Variants in RABGAP1L observed in about 807,000 individuals in gnomAD.
The protein encoded by RABGAP1L is RAB GTPase activating protein 1 like, also known as rab GTPase-activating protein 1-like.
A neutral mutation model predicts 137.7 loss-of-function variants in RABGAP1L; 63 were observed. The observed-to-expected ratio is 0.46, with a 90% CI of 0.37 to 0.56. The LOEUF is 0.56. Among genes scored for constraint, RABGAP1L ranks in the 20% least tolerant of loss-of-function variants. The pLI, the probability that RABGAP1L is intolerant of heterozygous loss-of-function variation, is 0.00. For missense variants in RABGAP1L, 1,095 were observed against 1,244.0 expected (o/e 0.88, Z 1.80); for synonymous variants, 431 against 433.7 (o/e 0.99, Z 0.08).
chr1:174,546,476 A>G (rs1010443334), intron 13 of RABGAP1L, among the ~76,000 whole-genome samples: 1 of 152,208 alleles, frequency 6.6e-6, no homozygotes, highest in South Asian at 2.1e-4. Flanking sequence ...CAAAGTTTAG[A>G]TATTTGTTGT....
intron 17 of RABGAP1L, chr1:174,705,658 A>T (rs746444096): frequency 1.3e-5 from 2 of 152,198 alleles, no homozygotes; most frequent in Non-Finnish European, 2.9e-5. Flanking sequence ...ACAATATTGT[A>T]GTGTGCCTCA....
At position 174,163,067 on chromosome 1, in the gene RABGAP1L, C is replaced by T. The variant is rs560950741; in HGVS notation, c.-34+3410C>T. ...CTCAGGGGTTTCTTGTGGAGATGAT[C>T]TGATGAGCATTTTGCCATTACAAAC... On this transcript the variant is annotated intron_variant, in intron 1 of 25. Coordinates refer to ENST00000681986, the MANE Select transcript of RABGAP1L (RefSeq NM_001366446.1). Among the ~76,000 whole-genome samples, 4 of 152,158 alleles carry T rather than the reference C, an allele frequency of 2.6e-5. No homozygotes were observed. In the East Asian group the frequency reaches 7.7e-4, roughly 29 times the overall value.
chr1:174,238,339 G>A (rs569386950), intron 4 of RABGAP1L, among the ~76,000 whole-genome samples: 4 of 152,296 alleles, frequency 2.6e-5, no homozygotes, highest in Non-Finnish European at 4.4e-5. Context: ...GAGGAGGAGA[G>A]ACGCTCTGCG....
intron 12 of RABGAP1L, among the ~76,000 whole-genome samples, chr1:174,380,670 C>T (rs1001627181): frequency 2.0e-5 from 3 of 149,500 alleles, no homozygotes; most frequent in African/African-American, 7.4e-5. Flanking sequence ...CTATTTGATT[C>T]TTCTCTCTTT....
At chr1:174,685,983 A>G (rs1678429094) in intron 15 of RABGAP1L, among the ~76,000 whole-genome samples, 1 of 152,220 alleles carries the variant, frequency 6.6e-6, no homozygotes, top group Admixed American at 6.5e-5. Flanking sequence ...TGAAAGCTGA[A>G]GTCATGAGAG....
chr1:174,233,072 G>C (rs946934830), intron 4 of RABGAP1L, among the ~76,000 whole-genome samples: 1 of 152,120 alleles, frequency 6.6e-6, no homozygotes, highest in African/African-American at 2.4e-5. Context: ...TGGTTCATGT[G>C]TTCTTACATG....
intron 13 of RABGAP1L, among the ~76,000 whole-genome samples, chr1:174,482,401 T>G (rs1242493453): frequency 1.3e-5 from 2 of 152,254 alleles, no homozygotes; most frequent in Non-Finnish European, 2.9e-5. Flanking sequence ...ATTATTACAC[T>G]GTTTTTTGGT....
chr1:174,756,647 G>A (rs1407879743), intron 18 of RABGAP1L, among the ~76,000 whole-genome samples: 1 of 152,016 alleles, frequency 6.6e-6, no homozygotes, highest in Non-Finnish European at 1.5e-5. Flanking sequence ...AGTAGCAGGG[G>A]AAAAAGGAAG....
At chr1:174,384,855 A>G (rs1205522821) in intron 12 of RABGAP1L, among the ~76,000 whole-genome samples, 1 of 152,178 alleles carries the variant, frequency 6.6e-6, no homozygotes, top group Non-Finnish European at 1.5e-5. Flanking sequence ...GTCCAATTTT[A>G]TGAACATTTT....
At chr1:174,527,316 C>T (rs1663976286) in intron 13 of RABGAP1L, among the ~76,000 whole-genome samples, 2 of 150,580 alleles carry the variant, frequency 1.3e-5, no homozygotes, top group South Asian at 4.2e-4. Context: ...CGATTCTTTG[C>T]CTCAGCCTCC....
chr1:174,380,847 C>G (rs1239382300), intron 12 of RABGAP1L, among the ~76,000 whole-genome samples: 9 of 127,486 alleles, frequency 7.1e-5, no homozygotes, highest in Non-Finnish European at 1.1e-4. Flanking sequence ...AATGTGTTTG[C>G]TCTTGCTTTT....
At chr1:174,546,282 T>C (rs759160496) in intron 13 of RABGAP1L, among the ~76,000 whole-genome samples, 2 of 152,224 alleles carry the variant, frequency 1.3e-5, no homozygotes, top group Non-Finnish European at 2.9e-5. Context: ...AGAGAACATA[T>C]TAGACCACCT....
chr1:174,216,697 C>T (rs1240835958), intron 1 of RABGAP1L, among the ~76,000 whole-genome samples: 1 of 151,576 alleles, frequency 6.6e-6, no homozygotes, highest in Non-Finnish European at 1.5e-5. Context: ...TGAAGAACTA[C>T]TTTTAATCTT....
In RABGAP1L at chr1:174,988,665, T is replaced by C; in HGVS notation, c.2830T>C (p.Cys944Arg). 1.9e-6 allele frequency: 3 copies of C among 1,548,000 alleles called. No homozygotes were observed. Among genetic ancestry groups the C allele is most frequent in the Non-Finnish European group, 1.7e-6 (2 of 1,145,826 alleles). The part of the protein sequence containing the change: ...VKGKMMACKH[C>R]SDIFSKEGAL... ...GGGTAAGATGATGGCATGCAAACAC[T>C]GCAGTGACATTTTCAGCAAGGAGGG... The change falls in exon 25 of 26, where the codon TGC (cysteine) becomes CGC (arginine). Residue 944 changes from cysteine (C) to arginine (R), a missense_variant. Physicochemically the swap from Cys to Arg is radical, Grantham distance 180. This residue lies in a region of RABGAP1L where 312 missense variants were observed against 435.6 expected (regional missense o/e 0.72). Transcript: ENST00000681986.
intron 14 of RABGAP1L, among the ~76,000 whole-genome samples, chr1:174,682,891 T>G (rs1458735323): frequency 6.6e-6 from 1 of 152,192 alleles, no homozygotes. Context: ...CAGTTATGTA[T>G]GTAGCATGAG....
chr1:174,739,741 A>T (rs1350795681), intron 17 of RABGAP1L, among the ~76,000 whole-genome samples: 1 of 152,222 alleles, frequency 6.6e-6, no homozygotes, highest in African/African-American at 2.4e-5. Context: ...CAGGTAAATC[A>T]TCTAACATAT....
At chr1:174,284,129 A>G (rs1285591755) in intron 10 of RABGAP1L, among the ~76,000 whole-genome samples, 1 of 152,168 alleles carries the variant, frequency 6.6e-6, no homozygotes, top group East Asian at 1.9e-4. Context: ...TAGAACACTT[A>G]AGATCTACTA....
chr1:174,517,498 T>C (rs1475727182), intron 13 of RABGAP1L, among the ~76,000 whole-genome samples: 1 of 152,160 alleles, frequency 6.6e-6, no homozygotes, highest in East Asian at 1.9e-4. Context: ...AGGGGGGCTA[T>C]TGATATAATT....
chr1:174,649,622 T>G (rs190954948), intron 14 of RABGAP1L, among the ~76,000 whole-genome samples: 25 of 152,248 alleles, frequency 1.6e-4, no homozygotes, highest in African/African-American at 6.0e-4. Context: ...TCACTCATGA[T>G]TTGGCTCTCT....
Sources: gnomAD v4.1 joint callset for allele counts (sites outside exome capture counted in the v4.1 genomes callset) on GRCh38, gnomAD v4.1.1 for gene constraint, gnomAD v4.1.1 regional missense constraint, MANE v1.5 for transcripts, NCBI Gene and HGNC (gene_info 2026-07-23, HGNC 2026-07-21) for gene names.